FAM76A: variants seen among roughly 807,000 people sequenced by gnomAD.
The protein encoded by FAM76A is protein FAM76A.
Under a neutral mutation model 46.2 loss-of-function variants are expected in FAM76A, and 32 were observed. The ratio of observed to expected loss-of-function variants is 0.69; its 90% confidence interval spans 0.52 to 0.93. The LOEUF is 0.93. Ranked by LOEUF, FAM76A falls within the 40% of genes least tolerant of loss-of-function variation. The pLI, the probability that FAM76A is intolerant of heterozygous loss-of-function variation, is 0.00. For missense variants in FAM76A, 274 were observed against 361.5 expected (o/e 0.76, Z 1.96); for synonymous variants, 137 against 127.0 (o/e 1.08, Z -0.53).
chr1:27,756,726 A>G (rs932085648), intron 7 of FAM76A, among the ~76,000 whole-genome samples: 1 of 151,632 alleles, frequency 6.6e-6, no homozygotes, highest in Non-Finnish European at 1.5e-5. Flanking sequence ...TCTTACTCTG[A>G]TTCATGTCTG....
chr1:27,727,647 G>C (rs1049590638), intron 2 of FAM76A, 111 bp downstream of exon 2: 5 of 783,880 alleles, frequency 6.4e-6, no homozygotes, highest in Non-Finnish European at 1.1e-5. Flanking sequence ...GTAAAATACA[G>C]ATCTGTAATC....
intron 7 of FAM76A, among the ~76,000 whole-genome samples, chr1:27,756,085 T>C (rs1004992195): frequency 1.4e-4 from 21 of 152,160 alleles, no homozygotes; most frequent in African/African-American, 5.1e-4. Context: ...GCTGTCCGGC[T>C]AAAAGAACCT....
At chr1:27,757,781 C>T (rs994515115) in intron 7 of FAM76A, among the ~76,000 whole-genome samples, 23 of 152,062 alleles carry the variant, frequency 1.5e-4, no homozygotes, top group Non-Finnish European at 2.6e-4. Flanking sequence ...TCAAGACCAT[C>T]CTGGCTAACA....
chr1:27,759,766 G>GTTTTTTTTTTTTTTT (rs374632191), intron 8 of FAM76A, 139 bp downstream of exon 8: 108 of 485,518 alleles, frequency 2.2e-4, no homozygotes, highest in African/African-American at 8.3e-4. Flanking sequence ...CCCCTTTTAG[G>GTTTTTTTTTTTTTTT]TTTTTTTTTT....
Position 27,755,322 on chromosome 1 carries a change from GAGA to G in FAM76A, c.733_735del (p.Lys245del). On this transcript the variant is annotated inframe_deletion, in exon 7 of 9. Coordinates refer to ENST00000373954, the MANE Select transcript of FAM76A (RefSeq NM_152660.3). Reference sequence around the variant, plus strand: ...AAAGGATCAAATGATTTTAGAGAAAGAGAAGAAGGTATGGTTTAGTTAATTCCT... The same window carrying G: ...AAAGGATCAAATGATTTTAGAGAAAGAGAAGGTATGGTTTAGTTAATTCCT... The G allele has an allele frequency of 1.2e-6, 2 of 1,614,124 alleles. No homozygotes were observed. The highest frequency in any genetic ancestry group is 1.3e-5 in the African/African-American group (1 of 75,050).
In FAM76A at chr1:27,761,621, G is replaced by A. The variant is rs553121806; in HGVS notation, c.*1040G>A. On this transcript the variant is annotated 3_prime_UTR_variant, in exon 9 of 9. Coordinates refer to ENST00000373954, the MANE Select transcript of FAM76A (RefSeq NM_152660.3). ...ATTTGCTTATATCAGTTGTCATACT[G>A]GGCTGCTGTCAGAGAATGTTTTTTT... 6.6e-6 allele frequency: 1 copy of A among 152,608 alleles called. No homozygotes were observed. The highest frequency in any genetic ancestry group is 1.5e-5 in the Non-Finnish European group (1 of 68,014). The allele number at this position is 152,608 out of a possible 1,614,324, so 9.5% of individuals were successfully genotyped here. A position where few individuals can be genotyped will look rare whatever the true frequency, so the allele number is the denominator to read the frequency against.
intron 2 of FAM76A, among the ~76,000 whole-genome samples, chr1:27,728,447 G>A (rs962437833): frequency 3.3e-5 from 5 of 151,312 alleles, no homozygotes; most frequent in African/African-American, 4.9e-5. Context: ...GGACCTCCCG[G>A]GCCCAAGTGA....
In FAM76A at chr1:27,736,062, C is replaced by T. The variant is rs569209479; in HGVS notation, c.354+1879C>T. ...CTGGGCCAACCCTGGTGGCTTGTGC[C>T]TGTAATCCCAACACTTTGGGAGGCT... On this transcript the variant is annotated intron_variant, in intron 4 of 8. Coordinates refer to ENST00000373954, the MANE Select transcript of FAM76A (RefSeq NM_152660.3). 4.6e-5 allele frequency among the ~76,000 whole-genome samples: 7 copies of T among 152,144 alleles called. No individual in the cohort carries two copies. The South Asian group carries it at 8.3e-4, about 18-fold the overall frequency.
rs2088510586 is a variant in FAM76A at position 27,761,578 on chromosome 1, T to TA, written c.*1003dup. ...TTAAATTCTCACACTGCCACTTCTTTAAAAAATAAAATCCTTTATTTGCTT... is the reference window on the plus strand; with the variant it reads ...TTAAATTCTCACACTGCCACTTCTTTAAAAAAATAAAATCCTTTATTTGCTT... On this transcript the variant is annotated 3_prime_UTR_variant, in exon 9 of 9. Transcript: ENST00000373954. 6.6e-6 allele frequency: 1 copy of TA among 152,650 alleles called. No homozygotes were observed. Among genetic ancestry groups the TA allele is most frequent in the Non-Finnish European group, 1.5e-5 (1 of 68,050 alleles). The allele number at this position is 152,650 out of a possible 1,614,324, so 9.5% of individuals were successfully genotyped here. A position where few individuals can be genotyped will look rare whatever the true frequency, so the allele number is the denominator to read the frequency against.
intron 2 of FAM76A, among the ~76,000 whole-genome samples, chr1:27,727,800 ATTTTTTT>A (rs10716346): frequency 6.2e-5 from 4 of 64,560 alleles, no homozygotes; most frequent in Non-Finnish European, 1.2e-4. Flanking sequence ...GATTGCTTAA[ATTTTTTT>A]TTTTTTTTTT....
chr1:27,735,103 C>A (rs1280907054), intron 4 of FAM76A, among the ~76,000 whole-genome samples: 1 of 152,224 alleles, frequency 6.6e-6, no homozygotes, highest in Admixed American at 6.5e-5. Flanking sequence ...ATCCTGGCCA[C>A]CCTGTAGTCT....
rs138485992 is a variant in FAM76A at position 27,731,970 on chromosome 1, C to T, written c.147-633C>T. 8.7e-3 allele frequency among the ~76,000 whole-genome samples: 1,317 copies of T among 152,134 alleles called. 8 individuals carry two copies. The highest frequency in any genetic ancestry group is 0.034 in the Middle Eastern group (10 of 294). On this transcript the variant is annotated intron_variant, in intron 2 of 8. Transcript: ENST00000373954. The stretch of plus-strand genomic sequence containing the variant: ...CCAAGTAGCTGAGATTACAGGCACG[C>T]GCCACCACGCCTGGCTAATTTTTGT...
rs1442434299 is a variant in FAM76A at position 27,761,242 on chromosome 1, T to C, written c.*661T>C. 3 of 92,940 alleles carry C rather than the reference T, an allele frequency of 3.2e-5. No individual in the cohort carries two copies. Among genetic ancestry groups the C allele is most frequent in the Non-Finnish European group, 6.2e-5 (3 of 48,098 alleles). 5.8% of individuals were successfully genotyped at this position (92,940 alleles called of 1,614,324 possible). Reference sequence around the variant, plus strand: ...GAATAATGGTGGTCTAGCTAGTTCTTGTAAAAGTGATGCCTCTTGAAAAAA... The same window carrying C: ...GAATAATGGTGGTCTAGCTAGTTCTCGTAAAAGTGATGCCTCTTGAAAAAA... On this transcript the variant is annotated 3_prime_UTR_variant, in exon 9 of 9. Transcript: ENST00000373954.
rs115456905 is a variant in FAM76A, at chr1:27,738,975, G to A, written c.354+4792G>A. 223 of 167,418 alleles carry A rather than the reference G, an allele frequency of 1.3e-3. 1 individual carries two copies. The highest frequency in any genetic ancestry group is 2.3e-3 in the Non-Finnish European group (182 of 78,748). 10.4% of individuals were successfully genotyped at this position (167,418 alleles called of 1,614,324 possible). On this transcript the variant is annotated intron_variant, in intron 4 of 8. Transcript: ENST00000373954. ...ATGAGCTTGGCACATGATTAGAACA[G>A]AAAGAAGATGGAGTGAACCTGGGGA...
intron 8 of FAM76A, chr1:27,759,830 C>T (rs1275245731): frequency 5.2e-5 from 29 of 553,196 alleles, no homozygotes; most frequent in South Asian, 8.8e-5. Flanking sequence ...GGCAGTGGCA[C>T]GATCATGGCT....
chr1:27,730,136 A>G, intron 2 of FAM76A: 1 of 179,276 alleles, frequency 5.6e-6, no homozygotes, highest in South Asian at 8.1e-5. Flanking sequence ...ATACAAATTA[A>G]TTCAAGATGG....
chr1:27,731,676 A>T (rs1340621152), intron 2 of FAM76A, among the ~76,000 whole-genome samples: 3 of 152,072 alleles, frequency 2.0e-5, no homozygotes, highest in African/African-American at 7.2e-5. Flanking sequence ...CCAACTATTC[A>T]TCCGAATTAA....
chr1:27,754,965 G>A lies in FAM76A; in HGVS notation c.600-230G>A, dbSNP rs536318107. 3.3e-5 allele frequency among the ~76,000 whole-genome samples: 5 copies of A among 152,294 alleles called. No homozygotes were observed. The East Asian group carries it at 9.6e-4, about 29-fold the overall frequency. ...CCTAAATGTGAGAGAAGATGCTGCA[G>A]GGATGCTGCCAGGTTGTGGCTTTGG... On this transcript the variant is annotated intron_variant, in intron 6 of 8. Transcript: ENST00000373954.
intron 4 of FAM76A, among the ~76,000 whole-genome samples, chr1:27,738,434 G>A (rs916725887): frequency 7.9e-5 from 12 of 151,694 alleles, no homozygotes; most frequent in African/African-American, 1.9e-4. Context: ...CCAAGATCAC[G>A]CCCCTGCACT....
Sources: allele counts gnomAD v4.1 joint callset (sites outside exome capture counted in the v4.1 genomes callset), GRCh38; gene constraint gnomAD v4.1.1; transcripts MANE v1.5; gene names NCBI Gene and HGNC (gene_info 2026-07-23, HGNC 2026-07-21).